The following EYS variants were observed in gnomAD, a reference collection of about 807,000 sequenced individuals.
EYS encodes the protein protein eyes shut homolog.
In EYS, 250 loss-of-function variants were observed where a neutral mutation model predicts 282.1. The observed-to-expected ratio is 0.89, with a 90% CI of 0.80 to 0.98. The LOEUF (loss-of-function observed/expected upper bound fraction) is 0.98. EYS is among the 50% of genes least tolerant of loss of function. The probability of loss-of-function intolerance (pLI) is 0.00; values close to 1 mark genes in which losing one functional copy is unlikely to be tolerated. For missense variants in EYS, 4,016 were observed against 3,709.0 expected (o/e 1.08, Z -2.15); for synonymous variants, 1,355 against 1,282.9 (o/e 1.06, Z -1.20).
intron 31 of EYS, 74 bp downstream of exon 31, chr6:64,230,518 T>C: frequency 9.6e-7 from 1 of 1,044,262 alleles, no homozygotes. Flanking sequence ...AAGTTTACAA[T>C]ACATTTCAAC....
intron 2 of EYS, among the ~76,000 whole-genome samples, chr6:65,566,741 T>A (rs959750243): frequency 2.6e-5 from 4 of 152,140 alleles, no homozygotes; most frequent in South Asian, 2.1e-4. Flanking sequence ...TTTCATCATC[T>A]AAAAAGTAAG....
chr6:64,045,268 G>T (rs1270476928), intron 33 of EYS, among the ~76,000 whole-genome samples: 1 of 151,682 alleles, frequency 6.6e-6, no homozygotes. Flanking sequence ...ACTTTAAAAA[G>T]GTGAGTGTAA....
intron 22 of EYS, among the ~76,000 whole-genome samples, chr6:64,685,530 T>C (rs1770062320): frequency 6.6e-6 from 1 of 152,052 alleles, no homozygotes; most frequent in Admixed American, 6.6e-5. Flanking sequence ...AGCTGGTTGT[T>C]TAAGAGTCTG....
chr6:64,700,877 T>G (rs1770762641), intron 22 of EYS, among the ~76,000 whole-genome samples: 2 of 152,146 alleles, frequency 1.3e-5, no homozygotes, highest in South Asian at 4.1e-4. Flanking sequence ...AATTCTAAAA[T>G]TCATATGGAA....
chr6:65,343,602 T>C (rs1770280469), intron 10 of EYS, among the ~76,000 whole-genome samples: 1 of 151,212 alleles, frequency 6.6e-6, no homozygotes, highest in South Asian at 2.1e-4. Flanking sequence ...TTAGAAATTA[T>C]TTTCATTTAT....
At chr6:64,728,299 C>G (rs1436558951) in intron 22 of EYS, among the ~76,000 whole-genome samples, 2 of 152,028 alleles carry the variant, frequency 1.3e-5, no homozygotes, top group African/African-American at 2.4e-5. Context: ...ATACTAATAG[C>G]TTTAAATACC....
At chr6:64,896,580 C>G (rs1767476964) in intron 18 of EYS, among the ~76,000 whole-genome samples, 1 of 151,148 alleles carries the variant, frequency 6.6e-6, no homozygotes, top group Non-Finnish European at 1.5e-5. Flanking sequence ...CCAGTGGCAC[C>G]TGAAACACCA....
intron 35 of EYS, among the ~76,000 whole-genome samples, chr6:63,886,132 A>G (rs1314876064): frequency 1.3e-5 from 2 of 152,188 alleles, no homozygotes; most frequent in Non-Finnish European, 2.9e-5. Context: ...TGATTTTACA[A>G]TGTCTAAATA....
chr6:63,803,556 C>T (rs1272438041), intron 37 of EYS, among the ~76,000 whole-genome samples: 3 of 152,084 alleles, frequency 2.0e-5, no homozygotes, highest in African/African-American at 7.2e-5. Context: ...GGAAGAGTTG[C>T]GAGGAGGGGA....
intron 2 of EYS, among the ~76,000 whole-genome samples, chr6:65,523,270 T>C (rs987143306): frequency 3.9e-5 from 6 of 152,104 alleles, no homozygotes; most frequent in Admixed American, 2.6e-4. Context: ...AAAACACTTA[T>C]GTGACAGTTA....
At chr6:64,092,124 G>A (rs2150252214) in intron 31 of EYS, among the ~76,000 whole-genome samples, 1 of 152,230 alleles carries the variant, frequency 6.6e-6, no homozygotes, top group African/African-American at 2.4e-5. Context: ...GTGTATATGT[G>A]CCACATTTTC....
At chr6:64,207,700 C>G (rs1299771827) in intron 31 of EYS, among the ~76,000 whole-genome samples, 3 of 151,998 alleles carry the variant, frequency 2.0e-5, no homozygotes, top group African/African-American at 7.2e-5. Context: ...CTGTGTCACC[C>G]AGGCCGGAGT....
intron 22 of EYS, among the ~76,000 whole-genome samples, chr6:64,635,413 G>A (rs1182715559): frequency 6.6e-6 from 1 of 152,160 alleles, no homozygotes; most frequent in Non-Finnish European, 1.5e-5. Context: ...TTTTCAAAGG[G>A]AATGCTTCCA....
intron 12 of EYS, among the ~76,000 whole-genome samples, chr6:65,220,212 T>G (rs984427129): frequency 3.9e-5 from 6 of 152,178 alleles, no homozygotes; most frequent in East Asian, 1.9e-4. Flanking sequence ...TGTGATTTTA[T>G]TTTTAAAAGT....
intron 31 of EYS, among the ~76,000 whole-genome samples, chr6:64,210,197 T>C (rs2150326987): frequency 6.6e-6 from 1 of 152,356 alleles, no homozygotes; most frequent in Non-Finnish European, 1.5e-5. Flanking sequence ...AAATCGATCA[T>C]TAGCATTTTC....
chr6:64,950,719 TA>T (rs999698836), intron 14 of EYS, among the ~76,000 whole-genome samples: 1 of 144,248 alleles, frequency 6.9e-6, no homozygotes, highest in Admixed American at 7.0e-5. Context: ...CAAAATGATT[TA>T]AAAAAACCCT....
intron 1 of EYS, among the ~76,000 whole-genome samples, chr6:65,649,137 C>CAAA (rs369237730): frequency 1.0e-3 from 73 of 72,160 alleles, no homozygotes; most frequent in Non-Finnish European, 1.3e-3. Context: ...GACTCTGTCT[C>CAAA]AAAAAAAAAA....
At chr6:64,284,390 G>T (rs1424121659) in intron 30 of EYS, among the ~76,000 whole-genome samples, 1 of 152,166 alleles carries the variant, frequency 6.6e-6, no homozygotes, top group East Asian at 1.9e-4. Flanking sequence ...TAAGAGGTGG[G>T]TTCACAGTCT....
chr6:64,488,069 C>T (rs1466212597), intron 26 of EYS, among the ~76,000 whole-genome samples: 1 of 150,934 alleles, frequency 6.6e-6, no homozygotes, highest in Non-Finnish European at 1.5e-5. Flanking sequence ...ATAGTTCATA[C>T]TTGATTAAAT....
Sources: allele counts gnomAD v4.1 joint callset (sites outside exome capture counted in the v4.1 genomes callset), GRCh38; gene constraint gnomAD v4.1.1; transcripts MANE v1.5; gene names NCBI Gene and HGNC (gene_info 2026-07-23, HGNC 2026-07-21).